Variants in CDK17 observed in about 807,000 individuals in gnomAD.
CDK17 encodes cyclin-dependent kinase 17.
In CDK17, 24 loss-of-function variants were observed where a neutral mutation model predicts 77.6. The ratio of observed to expected loss-of-function variants is 0.31; its 90% CI spans 0.22 to 0.44. CDK17 has a LOEUF of 0.44. Among genes scored for constraint, CDK17 ranks in the 20% least tolerant of loss-of-function variants. The pLI, the probability that CDK17 is intolerant of heterozygous loss-of-function variation, is 1.00. For synonymous variants in CDK17, 203 were observed against 210.4 expected (o/e 0.96, Z 0.30); for missense variants, 429 against 622.5 (o/e 0.69, Z 3.31).
chr12:96,391,067 A>G (rs927533621), intron 1 of CDK17, among the ~76,000 whole-genome samples: 6 of 147,318 alleles, frequency 4.1e-5, no homozygotes, highest in Non-Finnish European at 8.9e-5. Flanking sequence ...AACCTAAACG[A>G]CAGAGGGAGA....
intron 1 of CDK17, among the ~76,000 whole-genome samples, chr12:96,392,553 G>A (rs1954086390): frequency 1.3e-5 from 2 of 152,146 alleles, no homozygotes; most frequent in Non-Finnish European, 2.9e-5. Flanking sequence ...ACAGGACTTG[G>A]TGTGACTAAC....
chr12:96,304,336 A>G (rs1278133747), intron 5 of CDK17, among the ~76,000 whole-genome samples: 1 of 152,200 alleles, frequency 6.6e-6, no homozygotes, highest in Non-Finnish European at 1.5e-5. Context: ...CAGGAGATCA[A>G]GACCATCCTG....
At chr12:96,322,492 AC>A (rs1265660256) in intron 3 of CDK17, among the ~76,000 whole-genome samples, 9 of 150,234 alleles carry the variant, frequency 6.0e-5, no homozygotes, top group Admixed American at 2.7e-4. Flanking sequence ...CTGCCCCCTT[AC>A]AAAAAAAAAA....
At chr12:96,363,416 C>A (rs1310037596) in intron 1 of CDK17, among the ~76,000 whole-genome samples, 1 of 148,002 alleles carries the variant, frequency 6.8e-6, no homozygotes, top group Non-Finnish European at 1.5e-5. Context: ...GGCCACTGCA[C>A]TCCAGCCTGG....
intron 1 of CDK17, among the ~76,000 whole-genome samples, chr12:96,349,445 C>T (rs555927486): frequency 6.6e-6 from 1 of 150,638 alleles, no homozygotes; most frequent in South Asian, 2.1e-4. Flanking sequence ...AAGAGCAAAA[C>T]CCTGTCTCAA....
intron 3 of CDK17, among the ~76,000 whole-genome samples, chr12:96,318,014 A>G (rs1952756941): frequency 6.6e-6 from 1 of 152,132 alleles, no homozygotes; most frequent in African/African-American, 2.4e-5. Flanking sequence ...AAGTTGGATA[A>G]AGAGTCAAGA....
At chr12:96,281,559 G>A (rs907354695) in intron 15 of CDK17, among the ~76,000 whole-genome samples, 1 of 152,192 alleles carries the variant, frequency 6.6e-6, no homozygotes, top group African/African-American at 2.4e-5. Flanking sequence ...AGTAGAGACG[G>A]GGTTTCCCCA....
At chr12:96,389,146 T>TA in intron 1 of CDK17, among the ~76,000 whole-genome samples, 1 of 150,508 alleles carries the variant, frequency 6.6e-6, no homozygotes, top group South Asian at 2.1e-4. Flanking sequence ...TTTTTTTTTT[T>TA]AATTTTTTTG....
At chr12:96,379,818 T>C (rs1311719269) in intron 1 of CDK17, among the ~76,000 whole-genome samples, 1 of 152,112 alleles carries the variant, frequency 6.6e-6, no homozygotes, top group Non-Finnish European at 1.5e-5. Context: ...CATCGGAAGA[T>C]AAAAATGGCA....
intron 1 of CDK17, among the ~76,000 whole-genome samples, chr12:96,340,587 T>G (rs931204603): frequency 1.3e-5 from 2 of 152,208 alleles, no homozygotes; most frequent in Non-Finnish European, 2.9e-5. Flanking sequence ...CATTTCTAAT[T>G]ATCTTTAAGT....
chr12:96,339,856 G>T (rs1055186779), intron 1 of CDK17, among the ~76,000 whole-genome samples: 2 of 151,890 alleles, frequency 1.3e-5, no homozygotes, highest in African/African-American at 4.8e-5. Context: ...GATCCCAGGG[G>T]GCAGAGGTTG....
chr12:96,384,609 A>G (rs1259476325), intron 1 of CDK17, among the ~76,000 whole-genome samples: 1 of 152,218 alleles, frequency 6.6e-6, no homozygotes, highest in Non-Finnish European at 1.5e-5. Context: ...TCTTTGCAGC[A>G]ACATGGATGC....
At chr12:96,398,320 T>A (rs901547940) in intron 1 of CDK17, among the ~76,000 whole-genome samples, 6 of 152,218 alleles carry the variant, frequency 3.9e-5, no homozygotes, top group Non-Finnish European at 7.3e-5. Context: ...ATGCAGATGT[T>A]AAGAGTTGCA....
chr12:96,348,817 A>G (rs1256241694), intron 1 of CDK17, among the ~76,000 whole-genome samples: 1 of 152,196 alleles, frequency 6.6e-6, no homozygotes, highest in Non-Finnish European at 1.5e-5. Flanking sequence ...GACAATCAGT[A>G]TAAAACACTT....
In CDK17 at chr12:96,315,432, G is replaced by T. The variant is rs375748804; in HGVS notation, c.284-1978C>A. 2.1e-3 allele frequency among the ~76,000 whole-genome samples: 318 copies of T among 152,226 alleles called. 2 individuals carry two copies. The highest frequency in any genetic ancestry group is 3.1e-3 in the Non-Finnish European group (212 of 68,008). On this transcript the variant is annotated intron_variant, in intron 3 of 16. Coordinates refer to ENST00000261211, the MANE Select transcript of CDK17 (RefSeq NM_002595.5). ...CTTCAGTTATGTTGAGATTTCCATAGAAATTTTATGGTGATATGTGAACAA... is the reference window on the plus strand; with the variant it reads ...CTTCAGTTATGTTGAGATTTCCATATAAATTTTATGGTGATATGTGAACAA...
chr12:96,399,857 C>T (rs1446956185), intron 1 of CDK17, 129 bp downstream of exon 1: 1 of 262,218 alleles, frequency 3.8e-6, no homozygotes, highest in African/African-American at 2.2e-5. Flanking sequence ...GCTCAACTTC[C>T]CGACCGGGCC....
intron 1 of CDK17, among the ~76,000 whole-genome samples, chr12:96,386,215 T>C (rs1288869829): frequency 6.6e-6 from 1 of 152,174 alleles, no homozygotes; most frequent in Non-Finnish European, 1.5e-5. Context: ...AGGCTTGTCT[T>C]AAACACCTGG....
intron 2 of CDK17, among the ~76,000 whole-genome samples, chr12:96,325,502 G>C (rs1952881415): frequency 6.6e-6 from 1 of 152,146 alleles, no homozygotes; most frequent in Non-Finnish European, 1.5e-5. Flanking sequence ...CCAGGGTATG[G>C]GCTCCAGAGA....
intron 3 of CDK17, 32 bp from the exon 4 acceptor site, chr12:96,313,486 A>G (rs771500910): frequency 1.6e-6 from 2 of 1,256,862 alleles, no homozygotes; most frequent in East Asian, 2.7e-5. Flanking sequence ...TAAAAGAGAT[A>G]CATTATATTC....
Sources: allele counts gnomAD v4.1 joint callset (sites outside exome capture counted in the v4.1 genomes callset), GRCh38; gene constraint gnomAD v4.1.1; transcripts MANE v1.5; gene names NCBI Gene and HGNC (gene_info 2026-07-23, HGNC 2026-07-21).